Variants in STK40 observed in about 807,000 individuals in gnomAD.
STK40 encodes serine/threonine-protein kinase 40.
A neutral mutation model predicts 47.9 loss-of-function variants in STK40; 13 were observed. That is an observed-to-expected ratio of 0.27 (90% CI 0.18 to 0.43). The LOEUF (loss-of-function observed/expected upper bound fraction) is 0.43. Among genes scored for constraint, STK40 ranks in the 20% least tolerant of loss-of-function variants. STK40 has a pLI of 1.00. For missense variants in STK40, 460 were observed against 595.1 expected (o/e 0.77, Z 2.36); for synonymous variants, 225 against 243.2 (o/e 0.93, Z 0.69).
intron 1 of STK40, among the ~76,000 whole-genome samples, chr1:36,368,821 T>C (rs538301679): frequency 6.6e-6 from 1 of 152,348 alleles, no homozygotes; most frequent in Non-Finnish European, 1.5e-5. Context: ...GATAATAGTA[T>C]TGTATCAGTT....
Position 36,341,610 on chromosome 1 carries a change from C to T in STK40, c.*145G>A, listed in dbSNP as rs960420230. ...CTTCGTGGTACCTCTGCTGACCCCA[C>T]GTGTGACCTGGGCTGTCCCTGTCCC... On this transcript the variant is annotated 3_prime_UTR_variant, in exon 11 of 11. Transcript: ENST00000373132. 9.6e-6 allele frequency: 9 copies of T among 933,794 alleles called. No individual in the cohort carries two copies. Among genetic ancestry groups the T allele is most frequent in the African/African-American group, 8.2e-5 (5 of 60,630 alleles). The allele number at this position is 933,794 out of a possible 1,614,324, so 57.8% of individuals were successfully genotyped here. A position where few individuals can be genotyped will look rare whatever the true frequency, so the allele number is the denominator to read the frequency against.
chr1:36,376,854 G>T (rs1458187655), intron 1 of STK40, among the ~76,000 whole-genome samples: 54 of 143,184 alleles, frequency 3.8e-4, no homozygotes, highest in Non-Finnish European at 1.5e-5. Context: ...TCGGCTCATT[G>T]TAACTATCAC....
At chr1:36,371,685 CAAAAAAAAAA>C (rs57138983) in intron 1 of STK40, among the ~76,000 whole-genome samples, 2 of 27,972 alleles carry the variant, frequency 7.2e-5, no homozygotes, top group African/African-American at 2.3e-4. Context: ...ACCCTGTCTC[CAAAAAAAAAA>C]AAAAAAAAAA....
intron 1 of STK40, among the ~76,000 whole-genome samples, chr1:36,365,368 T>G (rs1339316011): frequency 6.6e-6 from 1 of 152,340 alleles, no homozygotes; most frequent in East Asian, 1.9e-4. Context: ...TCCATTGCAC[T>G]GCAGGTCTAA....
intron 1 of STK40, among the ~76,000 whole-genome samples, chr1:36,368,267 C>T (rs1008407363): frequency 2.0e-5 from 3 of 152,090 alleles, no homozygotes; most frequent in Admixed American, 2.0e-4. Flanking sequence ...ACATGTACTA[C>T]TCATGCTATA....
intron 2 of STK40, among the ~76,000 whole-genome samples, chr1:36,360,977 G>C (rs1646847074): frequency 6.6e-6 from 1 of 152,182 alleles, no homozygotes; most frequent in African/African-American, 2.4e-5. Context: ...CTGATCTAAG[G>C]CTGGTATGGC....
At chr1:36,385,313 C>G (rs751767786) in intron 1 of STK40, among the ~76,000 whole-genome samples, 74 of 151,772 alleles carry the variant, frequency 4.9e-4, no homozygotes, top group African/African-American at 1.7e-3. Context: ...GAAGCCCTGG[C>G]TGGCCCTCCC....
Position 36,356,672 on chromosome 1 carries a change from G to T in STK40, c.343-1239C>A, listed in dbSNP as rs186967460. 4.1e-4 allele frequency among the ~76,000 whole-genome samples: 63 copies of T among 152,036 alleles called. No homozygotes were observed. The East Asian group carries it at 9.9e-3, about 24-fold the overall frequency. ...AATCTCCTGACCTCATGATCCGCCC[G>T]CCTTAGCCTCCCAAAGTGCTGGGTT... On this transcript the variant is annotated intron_variant, in intron 4 of 10. Transcript: ENST00000373132.
At chr1:36,375,455 C>T (rs1345805505) in intron 1 of STK40, among the ~76,000 whole-genome samples, 2 of 150,186 alleles carry the variant, frequency 1.3e-5, no homozygotes, top group Admixed American at 6.6e-5. Flanking sequence ...TGCAGTGAGC[C>T]GAGATCATGC....
chr1:36,344,315 C>G, intron 7 of STK40, 51 bp from the exon 8 acceptor site: 1 of 1,518,924 alleles, frequency 6.6e-7, no homozygotes, highest in Non-Finnish European at 8.8e-7. Flanking sequence ...ACCACCGTGG[C>G]TCACCAGCCT....
chr1:36,352,315 C>T (rs749783892), intron 6 of STK40, among the ~76,000 whole-genome samples: 77 of 152,186 alleles, frequency 5.1e-4, no homozygotes, highest in Non-Finnish European at 3.8e-4. Context: ...GCCCGTGATG[C>T]GCCAAACCCC....
At position 36,358,789 on chromosome 1, in the gene STK40, A is replaced by G; in HGVS notation, c.146T>C (p.Ile49Thr). 6.2e-7 allele frequency: 1 copy of G among 1,614,118 alleles called. No individual in the cohort carries two copies. The highest frequency in any genetic ancestry group is 8.5e-7 in the Non-Finnish European group (1 of 1,180,018). ...ATCTTTCCTCGCCAAACACTGCACT[A>G]TGCTTGGCACCGGTGAGTTGCCCAG... is the stretch of plus-strand genomic sequence containing the variant. ...PRLGNSPVPS[I>T]VQCLARKDGT... The change falls in exon 3 of 11, where the codon ATA becomes ACA. Residue 49 changes from isoleucine (I) to threonine (T), a missense_variant. By Grantham distance (89) the Ile-to-Thr change is moderately conservative (BLOSUM62 -1). This residue lies in a region of STK40 where 277 missense variants were observed against 358.7 expected (regional missense o/e 0.77). Coordinates refer to ENST00000373132, the MANE Select transcript of STK40 (RefSeq NM_001282547.2).
At chr1:36,355,804 A>G (rs1646798516) in intron 4 of STK40, among the ~76,000 whole-genome samples, 1 of 152,222 alleles carries the variant, frequency 6.6e-6, no homozygotes, top group Non-Finnish European at 1.5e-5. Context: ...AGATTCCAGT[A>G]ATCACCAACA....
At chr1:36,358,845 T>TCTA in intron 2 of STK40, 23 bp from the exon 3 acceptor site, 1 of 1,614,052 alleles carries the variant, frequency 6.2e-7, no homozygotes, top group Non-Finnish European at 8.5e-7. Flanking sequence ...GAGCTGCTGG[T>TCTA]CTACTTTTCA....
At chr1:36,344,361 A>AC (rs1285587376) in intron 7 of STK40, 97 bp from the exon 8 acceptor site, 2 of 1,453,634 alleles carry the variant, frequency 1.4e-6, no homozygotes, top group Admixed American at 4.7e-5. Flanking sequence ...TGCCACCCTC[A>AC]CTTCCAGTCC....
chr1:36,363,187 G>A (rs780483721), intron 1 of STK40, among the ~76,000 whole-genome samples: 6 of 152,020 alleles, frequency 3.9e-5, no homozygotes, highest in Admixed American at 6.6e-5. Flanking sequence ...GATGGTGGGC[G>A]CCTGTCTCGG....
At chr1:36,372,491 C>T (rs1646958302) in intron 1 of STK40, among the ~76,000 whole-genome samples, 1 of 151,454 alleles carries the variant, frequency 6.6e-6, no homozygotes, top group South Asian at 2.1e-4. Context: ...TCAGAGCTGC[C>T]TGAAGTCACC....
At chr1:36,363,837 A>G (rs530792130) in intron 1 of STK40, among the ~76,000 whole-genome samples, 70 of 144,300 alleles carry the variant, frequency 4.9e-4, no homozygotes, top group African/African-American at 1.5e-3. Flanking sequence ...AAAAAGAATT[A>G]ATAGTCACGC....
At chr1:36,376,316 G>T (rs766013687) in intron 1 of STK40, among the ~76,000 whole-genome samples, 18 of 152,120 alleles carry the variant, frequency 1.2e-4, no homozygotes, top group Non-Finnish European at 2.4e-4. Flanking sequence ...GTCTCGAGAA[G>T]GGTCTGGTCC....
Sources: allele counts gnomAD v4.1 joint callset (sites outside exome capture counted in the v4.1 genomes callset), GRCh38; gene constraint gnomAD v4.1.1; regional missense constraint gnomAD v4.1.1; transcripts MANE v1.5; gene names NCBI Gene and HGNC (gene_info 2026-07-23, HGNC 2026-07-21).